TONSL: variants seen among roughly 807,000 people sequenced by gnomAD.
TONSL encodes the protein tonsoku-like protein.
Under a neutral mutation model 147.1 loss-of-function variants are expected in TONSL, and 112 were observed. That is an observed-to-expected ratio of 0.76 (90% CI 0.65 to 0.89). The LOEUF is 0.89. Ranked by LOEUF, TONSL falls within the 40% of genes least tolerant of loss-of-function variation. The probability of loss-of-function intolerance (pLI) is 0.00; values close to 1 mark genes in which losing one functional copy is unlikely to be tolerated. For synonymous variants in TONSL, 868 were observed against 801.5 expected (o/e 1.08, Z -1.40); for missense variants, 1,883 against 1,864.6 (o/e 1.01, Z -0.18).
chr8:144,442,753 G>A lies in TONSL; in HGVS notation c.502C>T (p.Leu168=), dbSNP rs563116691. ...NEMRTRLYLN[L]GLTFESLQQT... The stretch of plus-strand genomic sequence containing the variant: ...TGCAGGCTCTCAAAGGTGAGGCCCA[G>A]GTTGAGATAGAGGCGGGTCCTCATC... Residue 168 remains leucine, a synonymous_variant, in exon 5 of 26, where the codon CTG becomes TTG. Coordinates refer to ENST00000409379, the MANE Select transcript of TONSL (RefSeq NM_013432.5). 3.1e-6 allele frequency: 5 copies of A among 1,613,034 alleles called. No individual in the cohort carries two copies. Among genetic ancestry groups the A allele is most frequent in the Middle Eastern group, 1.6e-4 (1 of 6,080 alleles).
chr8:144,437,134 G>C (rs759883886), intron 13 of TONSL, 35 bp from the exon 14 acceptor site: 1 of 1,599,596 alleles, frequency 6.3e-7, no homozygotes, highest in South Asian at 1.1e-5. Flanking sequence ...CTGGCCCTGT[G>C]TACCTCACAG....
Position 144,434,881 on chromosome 8 carries a change from A to G in TONSL, c.3015T>C (p.Ala1005=). The change falls in exon 20 of 26, where the codon GCT becomes GCC. Residue 1005 remains alanine (A), a synonymous_variant. Transcript: ENST00000409379. ...GGGGCAGGTCCCACGAAGTCACCTC[A>G]GCCAACACCTGGAAGGCACCGTCAT... ...DVLQSNDEVL[A]EVTSWDLPPL... The G allele has an allele frequency of 1.2e-6, 2 of 1,613,374 alleles. No homozygotes were observed. The highest frequency in any genetic ancestry group is 2.7e-5 in the African/African-American group (2 of 75,048).
chr8:144,436,173 G>A lies in TONSL; in HGVS notation c.2260C>T (p.Arg754Trp), dbSNP rs759030148. ...SEGEDSAGPARPSQKRPRCSA... is the reference protein window; with the variant it reads ...SEGEDSAGPAWPSQKRPRCSA... Reference sequence around the variant, plus strand: ...CACCGAGGCCTCTTCTGGGACGGCCGTGCGGGGCCTGCGCTGTCCTCGCCT... The same window carrying A: ...CACCGAGGCCTCTTCTGGGACGGCCATGCGGGGCCTGCGCTGTCCTCGCCT... The change falls in exon 17 of 26, where the codon CGG becomes TGG. Residue 754 changes from arginine to tryptophan, a missense_variant. Transcript: ENST00000409379. The A allele has an allele frequency of 7.0e-6, 11 of 1,576,082 alleles. No individual in the cohort carries two copies. Among genetic ancestry groups the A allele is most frequent in the South Asian group, 1.1e-5 (1 of 89,138 alleles).
chr8:144,431,656 G>A (rs1413938343), intron 23 of TONSL, among the ~76,000 whole-genome samples: 1 of 151,872 alleles, frequency 6.6e-6, no homozygotes, highest in African/African-American at 2.4e-5. Context: ...GGGACTCCAG[G>A]AGCCCGTCAC....
chr8:144,444,329 C>A, intron 1 of TONSL, 54 bp from the exon 2 acceptor site: 1 of 1,326,472 alleles, frequency 7.5e-7, no homozygotes, highest in Non-Finnish European at 9.7e-7. Context: ...GGGCCGGGGC[C>A]GAGTCCCAAG....
rs751044812 is a variant in TONSL, at chr8:144,436,223, G to C, written c.2210C>G (p.Pro737Arg). 8.3e-6 allele frequency: 13 copies of C among 1,560,996 alleles called. No homozygotes were observed. In the Middle Eastern group the frequency reaches 5.1e-4, roughly 61 times the overall value. Residue 737 changes from proline (P) to arginine (R), a missense_variant, in exon 17 of 26, where the codon CCA becomes CGA. By Grantham distance (103) the Pro-to-Arg change is moderately radical. Transcript: ENST00000409379. ...MARPRRSRHG[P>R]ASSSSSSEGE... The stretch of plus-strand genomic sequence containing the variant: ...TTCTGAGCTGCTGCTGCTGCTGGCT[G>C]GCCCATGCCTGCTCCTCCGAGGCCT...
rs1293308351 is a variant in TONSL, at chr8:144,431,814, GT to G, written c.3735+470del. Among the ~76,000 whole-genome samples the G allele has an allele frequency of 1.8e-3, 258 of 140,472 alleles. 1 individual carries two copies. The highest frequency in any genetic ancestry group is 6.5e-3 in the African/African-American group (243 of 37,462). 92.2% of individuals were successfully genotyped at this position (140,472 alleles called of 152,430 possible). ...AGGCGTAAGCTACCACGCCCAGCCT[GT>G]TTTTTTCTTTTTCTTTCTTTTTTTT... On this transcript the variant is annotated intron_variant, in intron 23 of 25. Coordinates refer to ENST00000409379, the MANE Select transcript of TONSL (RefSeq NM_013432.5).
intron 11 of TONSL, chr8:144,439,678 G>A (rs1013702956): frequency 1.8e-5 from 6 of 342,262 alleles, no homozygotes; most frequent in Non-Finnish European, 3.2e-5. Flanking sequence ...CTGCTCTGAA[G>A]GGTTTCAGGA....
At chr8:144,443,433 C>T in intron 3 of TONSL, 112 bp from the exon 4 acceptor site, 1 of 1,109,688 alleles carries the variant, frequency 9.0e-7, no homozygotes, top group Non-Finnish European at 1.3e-6. Flanking sequence ...CTCCCCCTAA[C>T]CCCCACAGAG....
rs1275654901 is a variant in TONSL, at chr8:144,435,860, C to T, written c.2573G>A (p.Arg858Lys). The T allele has an allele frequency of 6.2e-7, 1 of 1,605,558 alleles. No individual in the cohort carries two copies. The highest frequency in any genetic ancestry group is 8.5e-7 in the Non-Finnish European group (1 of 1,174,704). The change falls in exon 17 of 26, where the codon AGG becomes AAG. Residue 858 changes from arginine (R) to lysine (K), a missense_variant. By Grantham distance (26) the Arg-to-Lys change is conservative. Coordinates refer to ENST00000409379, the MANE Select transcript of TONSL (RefSeq NM_013432.5). ...PRPRGTGDNR[R>K]PSSTSGSDSE... is the part of the protein sequence containing the mutation. ...GTCCGACCCAGAGGTACTACTGGGCCTGCGGTTGTCTCCAGTGCCCCGGGG... is the reference window on the plus strand; with the variant it reads ...GTCCGACCCAGAGGTACTACTGGGCTTGCGGTTGTCTCCAGTGCCCCGGGG...
At chr8:144,430,260 C>G in intron 25 of TONSL, 144 bp downstream of exon 25, 1 of 1,001,664 alleles carries the variant, frequency 1.0e-6, no homozygotes, top group South Asian at 1.9e-5. Context: ...TGTCACTCTG[C>G]CCCCTGCTGC....
Position 144,440,510 on chromosome 8 carries a change from C to T in TONSL, c.1165-34G>A, listed in dbSNP as rs377373662. 4.3e-5 allele frequency: 68 copies of T among 1,563,336 alleles called. No homozygotes were observed. The Middle Eastern group carries it at 7.3e-4, about 17-fold the overall frequency. On this transcript the variant is annotated intron_variant, in intron 9 of 25. Transcript: ENST00000409379. ...GGAGGAAGGACAGGGTCGGGGGCTG[C>T]CGCTGTCTGCGTCCAACGGGCCCCA...
chr8:144,436,868 G>A lies in TONSL; in HGVS notation c.1779C>T (p.Gly593=). The A allele has an allele frequency of 6.2e-7, 1 of 1,609,846 alleles. No homozygotes were observed. The highest frequency in any genetic ancestry group is 1.1e-5 in the South Asian group (1 of 91,064). ...DHGAAVDDPG[G]QGCEGITPLH... ...GGGGGGTGATGCCTTCGCAGCCCTG[G>A]CCACCTGGGTCGTCCACTGCGGCCC... Residue 593 remains glycine, a synonymous_variant, in exon 15 of 26, where the codon GGC becomes GGT. Transcript: ENST00000409379.
In TONSL at chr8:144,440,732, C is replaced by G. The variant is rs201893250; in HGVS notation, c.1150G>C (p.Gly384Arg). Residue 384 changes from glycine (G) to arginine (R), a missense_variant, in exon 9 of 26, where the codon GGC becomes CGC. Transcript: ENST00000409379. ...HYEEELRLRS[G>R]NVLEEAKTWL... Reference sequence around the variant, plus strand: ...AAGGGTTTCACCTCCAGCACGTTGCCGCTGCGCAGCCTCAGTTCCTCCTCA... The same window carrying G: ...AAGGGTTTCACCTCCAGCACGTTGCGGCTGCGCAGCCTCAGTTCCTCCTCA... 2.5e-6 allele frequency: 4 copies of G among 1,612,388 alleles called. No homozygotes were observed. In the African/African-American group the frequency reaches 4.0e-5, roughly 16 times the overall value.
rs112264814 is a variant in TONSL, at chr8:144,442,265, G to A, written c.726C>T (p.Ser242=). The change falls in exon 6 of 26, where the codon AGC becomes AGT. Residue 242 remains serine (S), a synonymous_variant. Coordinates refer to ENST00000409379, the MANE Select transcript of TONSL (RefSeq NM_013432.5). ...AHTMRKRFME[S]ECCVVIAQVL... Reference sequence around the variant, plus strand: ...CCTGTGCAATAACCACGCAGCACTCGCTCTCCATGAACCGCTTCCTCATGG... The same window carrying A: ...CCTGTGCAATAACCACGCAGCACTCACTCTCCATGAACCGCTTCCTCATGG... The A allele has an allele frequency of 3.9e-4, 614 of 1,592,282 alleles. 1 individual carries two copies. In the African/African-American group the frequency reaches 7.3e-3, roughly 19 times the overall value.
At chr8:144,443,438 A>C in intron 3 of TONSL, 117 bp from the exon 4 acceptor site, 9 of 1,039,568 alleles carry the variant, frequency 8.7e-6, no homozygotes, top group Non-Finnish European at 1.2e-5. Flanking sequence ...CCTAACCCCC[A>C]CAGAGCAGGC....
rs753585565 is a variant in TONSL, at chr8:144,440,459, C to G, written c.1182G>C (p.Leu394=). 11 of 1,601,876 alleles carry G rather than the reference C, an allele frequency of 6.9e-6. No homozygotes were observed. The Admixed American group carries it at 1.9e-4, about 27-fold the overall frequency. Residue 394 remains leucine (L), a synonymous_variant, in exon 10 of 26, where the codon CTG becomes CTC. Transcript: ENST00000409379. ...GNVLEEAKTW[L]NIALSREEAG... ...CCTCCTCGCGGGACAGTGCAATGTTCAGCCAGGTCTTGGCCTCCTGGAGCA... is the reference window on the plus strand; with the variant it reads ...CCTCCTCGCGGGACAGTGCAATGTTGAGCCAGGTCTTGGCCTCCTGGAGCA...
Position 144,436,416 on chromosome 8 carries a change from G to C in TONSL, c.2017C>G (p.Pro673Ala). 1 of 1,514,850 alleles carries C rather than the reference G, an allele frequency of 6.6e-7. No individual in the cohort carries two copies. The highest frequency in any genetic ancestry group is 8.8e-7 in the Non-Finnish European group (1 of 1,136,654). The allele number at this position is 1,514,850 out of a possible 1,614,324, so 93.8% of individuals were successfully genotyped here. A position where few individuals can be genotyped will look rare whatever the true frequency, so the allele number is the denominator to read the frequency against. The change falls in exon 17 of 26, where the codon CCC (proline) becomes GCC (alanine). Residue 673 changes from proline to alanine, a missense_variant and splice_region_variant. Pro to Ala is a conservative substitution (Grantham distance 27). Coordinates refer to ENST00000409379, the MANE Select transcript of TONSL (RefSeq NM_013432.5). The stretch of plus-strand genomic sequence containing the variant: ...GTGTGGAAGGCCTGGGAGCTGTGGG[G>C]ATCTGTGGGAGAGAGAATGCGTGTT... The part of the protein sequence containing the change: ...LLQAAASGQD[P>A]HSSQAFHTPS...
intron 22 of TONSL, chr8:144,432,667 A>G: frequency 2.0e-6 from 1 of 492,898 alleles, no homozygotes. Flanking sequence ...GGCTGCCCCC[A>G]GTTCTGGACA....
Sources: gnomAD v4.1 joint callset for allele counts (sites outside exome capture counted in the v4.1 genomes callset) on GRCh38, gnomAD v4.1.1 for gene constraint, MANE v1.5 for transcripts, NCBI Gene and HGNC (gene_info 2026-07-23, HGNC 2026-07-21) for gene names.